MYRIP: variants seen among roughly 807,000 people sequenced by gnomAD.
MYRIP encodes the protein rab effector MyRIP.
MYRIP carries 49 observed loss-of-function variants against 98.0 expected under a neutral mutation model. The observed-to-expected ratio is 0.50, with a 90% CI of 0.40 to 0.63. MYRIP has a LOEUF of 0.63. Ranked by LOEUF, MYRIP falls within the 30% of genes least tolerant of loss-of-function variation. The pLI is 0.00. For missense variants in MYRIP, 1,004 were observed against 1,058.2 expected, an observed-to-expected ratio of 0.95 and a Z score of 0.71; for synonymous variants, 404 against 409.5, an observed-to-expected ratio of 0.99 and a Z score of 0.16.
At chr3:40,224,973 C>A (rs1488585607) in intron 11 of MYRIP, among the ~76,000 whole-genome samples, 2 of 152,136 alleles carry the variant, frequency 1.3e-5, no homozygotes, top group Non-Finnish European at 2.9e-5. Context: ...TTCATGAGAA[C>A]TGAAATATAT....
intron 2 of MYRIP, among the ~76,000 whole-genome samples, chr3:40,015,740 C>G (rs2125800828): frequency 1.3e-5 from 2 of 152,304 alleles, no homozygotes; most frequent in South Asian, 4.1e-4. Context: ...TTGCACTTGG[C>G]AATTGATCTT....
chr3:39,952,434 T>G (rs1945042262), intron 2 of MYRIP, among the ~76,000 whole-genome samples: 1 of 152,206 alleles, frequency 6.6e-6, no homozygotes, highest in African/African-American at 2.4e-5. Flanking sequence ...ATTAAAATGA[T>G]GATGTGGTTT....
rs538177331 is a variant in MYRIP, at chr3:40,136,689, A to G, written c.333-14359A>G. 8.9e-4 allele frequency among the ~76,000 whole-genome samples: 136 copies of G among 152,318 alleles called. 3 individuals carry two copies. The South Asian group carries it at 0.027, about 30-fold the overall frequency. ...CAGAAATTATAACAAACTGTCTCTC[A>G]GACCACAGTGCAATCAAACTAGAAC... On this transcript the variant is annotated intron_variant, in intron 3 of 16. Transcript: ENST00000302541.
chr3:39,897,990 A>T (rs951522002), intron 1 of MYRIP, among the ~76,000 whole-genome samples: 4 of 152,182 alleles, frequency 2.6e-5, no homozygotes, highest in Non-Finnish European at 4.4e-5. Flanking sequence ...CCAAAATGCC[A>T]TTAACACCTT....
chr3:39,869,602 C>T (rs1010909797), intron 1 of MYRIP, among the ~76,000 whole-genome samples: 5 of 152,108 alleles, frequency 3.3e-5, no homozygotes, highest in East Asian at 3.8e-4. Context: ...ATTGAAGTCC[C>T]CTTCTTTGAC....
At chr3:39,845,004 G>C (rs1354266555) in intron 1 of MYRIP, among the ~76,000 whole-genome samples, 1 of 152,174 alleles carries the variant, frequency 6.6e-6, no homozygotes, top group Non-Finnish European at 1.5e-5. Flanking sequence ...AAATGAATGA[G>C]AGCAGGATAC....
intron 1 of MYRIP, among the ~76,000 whole-genome samples, chr3:39,852,543 C>T (rs1942161790): frequency 1.3e-5 from 2 of 152,170 alleles, no homozygotes; most frequent in Non-Finnish European, 2.9e-5. Context: ...ACCCCACTCC[C>T]CCCTTCCCCC....
intron 2 of MYRIP, among the ~76,000 whole-genome samples, chr3:39,966,429 A>G (rs1945444241): frequency 6.6e-6 from 1 of 152,224 alleles, no homozygotes; most frequent in African/African-American, 2.4e-5. Flanking sequence ...ATAGTTTCTT[A>G]AAGGCACAGA....
At chr3:39,981,745 A>G (rs1369550505) in intron 2 of MYRIP, among the ~76,000 whole-genome samples, 1 of 152,224 alleles carries the variant, frequency 6.6e-6, no homozygotes, top group Non-Finnish European at 1.5e-5. Flanking sequence ...TTCCAATTGC[A>G]GGAACATATG....
intron 2 of MYRIP, among the ~76,000 whole-genome samples, chr3:39,964,051 T>C (rs1220869991): frequency 1.3e-5 from 2 of 152,162 alleles, no homozygotes; most frequent in African/African-American, 4.8e-5. Context: ...AGATTTCTTT[T>C]TCAGCTGTAC....
intron 10 of MYRIP, among the ~76,000 whole-genome samples, 155 bp from the exon 11 acceptor site, chr3:40,209,699 A>C (rs940056658): frequency 2.0e-5 from 3 of 149,338 alleles, no homozygotes; most frequent in African/African-American, 7.3e-5. Flanking sequence ...GGTAAAACTA[A>C]AAGTCCATCT....
intron 1 of MYRIP, among the ~76,000 whole-genome samples, chr3:39,884,719 A>C (rs1943242276): frequency 6.6e-6 from 1 of 151,784 alleles, no homozygotes; most frequent in Admixed American, 6.6e-5. Flanking sequence ...TTCTTGAAGA[A>C]CTTTCCATAT....
chr3:40,116,167 G>C (rs944897793), intron 3 of MYRIP, among the ~76,000 whole-genome samples: 2 of 152,156 alleles, frequency 1.3e-5, no homozygotes, highest in Non-Finnish European at 2.9e-5. Flanking sequence ...TCCCTGGATG[G>C]GGGCACACTC....
At chr3:39,863,502 A>G (rs1263046465) in intron 1 of MYRIP, among the ~76,000 whole-genome samples, 1 of 152,116 alleles carries the variant, frequency 6.6e-6, no homozygotes, top group Non-Finnish European at 1.5e-5. Context: ...AAAAACAAAA[A>G]CAAAACCTCT....
chr3:40,096,914 T>G (rs766202650), intron 3 of MYRIP, among the ~76,000 whole-genome samples: 7 of 152,210 alleles, frequency 4.6e-5, no homozygotes, highest in Non-Finnish European at 7.4e-5. Context: ...GTTTACTGTT[T>G]GGGTGAAGCA....
intron 2 of MYRIP, among the ~76,000 whole-genome samples, chr3:40,019,549 G>A (rs1416325768): frequency 6.6e-6 from 1 of 152,074 alleles, no homozygotes; most frequent in East Asian, 1.9e-4. Flanking sequence ...TTGTTCTGTG[G>A]CTATGTTTTT....
intron 3 of MYRIP, among the ~76,000 whole-genome samples, chr3:40,136,231 A>C (rs1020520088): frequency 9.2e-5 from 14 of 152,224 alleles, no homozygotes; most frequent in Admixed American, 5.9e-4. Context: ...AGGGGTTGCA[A>C]TCCTAGTCTC....
intron 2 of MYRIP, among the ~76,000 whole-genome samples, chr3:39,999,356 T>G (rs1470098809): frequency 6.6e-6 from 1 of 151,986 alleles, no homozygotes; most frequent in African/African-American, 2.4e-5. Flanking sequence ...CATCAACAAG[T>G]GGGTGAAGGA....
intron 3 of MYRIP, among the ~76,000 whole-genome samples, chr3:40,051,336 C>T (rs1307847268): frequency 6.6e-6 from 1 of 152,140 alleles, no homozygotes; most frequent in Non-Finnish European, 1.5e-5. Flanking sequence ...AAACAGATTA[C>T]AACTTACTGA....
Sources: gnomAD v4.1 joint callset for allele counts (sites outside exome capture counted in the v4.1 genomes callset) on GRCh38, gnomAD v4.1.1 for gene constraint, MANE v1.5 for transcripts, NCBI Gene and HGNC (gene_info 2026-07-23, HGNC 2026-07-21) for gene names.